KCTD16: variants seen among roughly 807,000 people sequenced by gnomAD.
KCTD16 encodes potassium channel tetramerization domain containing 16.
Under a neutral mutation model 33.2 loss-of-function variants are expected in KCTD16, and 13 were observed. That is an observed-to-expected ratio of 0.39 (90% CI 0.25 to 0.62). KCTD16 has a LOEUF of 0.62. Among genes scored for constraint, KCTD16 ranks in the 20% least tolerant of loss-of-function variants. The pLI, the probability that KCTD16 is intolerant of heterozygous loss-of-function variation, is 0.50. For missense variants in KCTD16, 441 were observed against 525.1 expected, an observed-to-expected ratio of 0.84 and a Z score of 1.57; for synonymous variants, 197 against 195.3, an observed-to-expected ratio of 1.01 and a Z score of -0.07.
chr5:144,340,795 A>T (rs1752614467), intron 3 of KCTD16, among the ~76,000 whole-genome samples: 1 of 152,100 alleles, frequency 6.6e-6, no homozygotes, highest in African/African-American at 2.4e-5. Flanking sequence ...CATGCCTGTA[A>T]TCCCAGCCCT....
intron 2 of KCTD16, among the ~76,000 whole-genome samples, chr5:144,191,679 ACC>A (rs1239715421): frequency 6.6e-6 from 1 of 152,066 alleles, no homozygotes; most frequent in Non-Finnish European, 1.5e-5. Context: ...GGGGGTGTTT[ACC>A]AGCTTTTGCC....
intron 3 of KCTD16, among the ~76,000 whole-genome samples, chr5:144,411,302 A>G (rs1385524188): frequency 1.3e-5 from 2 of 152,212 alleles, no homozygotes; most frequent in African/African-American, 4.8e-5. Context: ...AAGCTGTAGT[A>G]ACCAAATCAT....
At chr5:144,333,702 A>G (rs1332006073) in intron 3 of KCTD16, among the ~76,000 whole-genome samples, 1 of 152,154 alleles carries the variant, frequency 6.6e-6, no homozygotes, top group Non-Finnish European at 1.5e-5. Flanking sequence ...TTGTCTGGGC[A>G]TGTCCATGGC....
At chr5:144,246,736 TCTC>T (rs1754559409) in intron 3 of KCTD16, among the ~76,000 whole-genome samples, 1 of 152,122 alleles carries the variant, frequency 6.6e-6, no homozygotes, top group Admixed American at 6.5e-5. Flanking sequence ...TTGATCTCCT[TCTC>T]CTCCTCCTCC....
intron 3 of KCTD16, among the ~76,000 whole-genome samples, chr5:144,383,308 G>A (rs568454105): frequency 3.9e-5 from 6 of 152,232 alleles, no homozygotes; most frequent in South Asian, 2.1e-4. Flanking sequence ...ATTTCTCTGC[G>A]TCAGAGCTGC....
chr5:144,466,208 G>A, intron 3 of KCTD16, among the ~76,000 whole-genome samples: 1 of 149,312 alleles, frequency 6.7e-6, no homozygotes, highest in East Asian at 2.0e-4. Flanking sequence ...AGTAATATTA[G>A]CAAATATTAT....
At chr5:144,308,955 C>G (rs1488392930) in intron 3 of KCTD16, among the ~76,000 whole-genome samples, 1 of 151,930 alleles carries the variant, frequency 6.6e-6, no homozygotes, top group Non-Finnish European at 1.5e-5. Flanking sequence ...TTTCATAGCC[C>G]CTTTTTATAG....
intron 3 of KCTD16, among the ~76,000 whole-genome samples, chr5:144,232,035 C>T (rs577871445): frequency 3.3e-5 from 5 of 152,258 alleles, no homozygotes; most frequent in Non-Finnish European, 5.9e-5. Context: ...AACTGTGAAT[C>T]GATAAGGCCC....
chr5:144,266,277 T>A (rs111989186), intron 3 of KCTD16, among the ~76,000 whole-genome samples: 3,324 of 152,118 alleles, frequency 0.022, 128 homozygotes, highest in African/African-American at 0.076. Context: ...CTGGGGGAAA[T>A]AAAAAACTGA....
rs1754700629 is a variant in KCTD16 at position 144,481,351 on chromosome 5, A to C, written c.*7237A>C. On this transcript the variant is annotated 3_prime_UTR_variant, in exon 4 of 4. Transcript: ENST00000512467. ...GCTTATCATACCCTTTGTTACTTTGAGTTGAATATTCCCTCTCTGAGGATG... is the reference window on the plus strand; with the variant it reads ...GCTTATCATACCCTTTGTTACTTTGCGTTGAATATTCCCTCTCTGAGGATG... The C allele has an allele frequency of 6.6e-6, 1 of 151,882 alleles. No homozygotes were observed. Among genetic ancestry groups the C allele is most frequent in the Non-Finnish European group, 1.5e-5 (1 of 67,914 alleles). 9.4% of individuals were successfully genotyped at this position (151,882 alleles called of 1,614,324 possible). A position where few individuals can be genotyped will look rare whatever the true frequency, so the allele number is the denominator to read the frequency against.
chr5:144,248,868 C>T (rs183343591), intron 3 of KCTD16, among the ~76,000 whole-genome samples: 33 of 152,184 alleles, frequency 2.2e-4, no homozygotes, highest in Middle Eastern at 6.8e-3. Flanking sequence ...CATGCCTATT[C>T]GTTTCCACCA....
intron 3 of KCTD16, among the ~76,000 whole-genome samples, chr5:144,265,676 A>G (rs936120875): frequency 7.9e-5 from 12 of 152,226 alleles, no homozygotes; most frequent in African/African-American, 2.7e-4. Flanking sequence ...TGAATGAACC[A>G]TCATCATAAA....
chr5:144,368,995 G>A (rs1450455035), intron 3 of KCTD16, among the ~76,000 whole-genome samples: 1 of 152,090 alleles, frequency 6.6e-6, no homozygotes, highest in Non-Finnish European at 1.5e-5. Flanking sequence ...TCAAATTTTG[G>A]CCAACTGAAA....
chr5:144,465,625 C>A (rs1754312050), intron 3 of KCTD16, among the ~76,000 whole-genome samples: 1 of 151,960 alleles, frequency 6.6e-6, no homozygotes, highest in African/African-American at 2.4e-5. Flanking sequence ...TTATCATGGA[C>A]ATGCTTCTGA....
chr5:144,236,679 A>G (rs1167706983), intron 3 of KCTD16, among the ~76,000 whole-genome samples: 1 of 152,148 alleles, frequency 6.6e-6, no homozygotes, highest in African/African-American at 2.4e-5. Context: ...TGGCTTGAAC[A>G]GCACATGACC....
rs1039155487 is a variant in KCTD16 at position 144,471,633 on chromosome 5, G to A, written c.833-2027G>A. On this transcript the variant is annotated intron_variant, in intron 3 of 3. Coordinates refer to ENST00000512467, the MANE Select transcript of KCTD16 (RefSeq NM_020768.4). ...ATTCTGCCTAGTAAAGGTAAAAAAT[G>A]ATCCCCTCAAAATGTATGCTGGCAG... Among the ~76,000 whole-genome samples, 4 of 152,140 alleles carry A rather than the reference G, an allele frequency of 2.6e-5. No individual in the cohort carries two copies. In the South Asian group the frequency reaches 6.2e-4, roughly 24 times the overall value.
chr5:144,283,084 A>G (rs918252863), intron 3 of KCTD16, among the ~76,000 whole-genome samples: 1 of 152,168 alleles, frequency 6.6e-6, no homozygotes, highest in Non-Finnish European at 1.5e-5. Context: ...GTTCTAGGGT[A>G]CATGTGCACA....
chr5:144,467,066 A>T (rs960480029), intron 3 of KCTD16, among the ~76,000 whole-genome samples: 45 of 129,634 alleles, frequency 3.5e-4, no homozygotes, highest in African/African-American at 1.2e-3. Flanking sequence ...TATATGTATT[A>T]TATATAATAT....
rs893961520 is a variant in KCTD16, at chr5:144,379,536, T to C, written c.833-94124T>C. On this transcript the variant is annotated intron_variant, in intron 3 of 3. Coordinates refer to ENST00000512467, the MANE Select transcript of KCTD16 (RefSeq NM_020768.4). ...ATTATAATAGATTAAAGACAAGGAG[T>C]TCATTTGGGAGCTTGGGGGCATGTT... Among the ~76,000 whole-genome samples, 8 of 152,268 alleles carry C rather than the reference T, an allele frequency of 5.3e-5. No homozygotes were observed. In the East Asian group the frequency reaches 1.3e-3, roughly 26 times the overall value.
Sources: gnomAD v4.1 joint callset for allele counts (sites outside exome capture counted in the v4.1 genomes callset) on GRCh38, gnomAD v4.1.1 for gene constraint, MANE v1.5 for transcripts, NCBI Gene and HGNC (gene_info 2026-07-23, HGNC 2026-07-21) for gene names.